The following RTTN variants were observed in gnomAD, a reference collection of about 807,000 sequenced individuals.
RTTN encodes the protein rotatin.
Under a neutral mutation model 269.2 loss-of-function variants are expected in RTTN, and 182 were observed. The observed-to-expected ratio is 0.68, with a 90% confidence interval of 0.60 to 0.76. The LOEUF (loss-of-function observed/expected upper bound fraction) is 0.76, where lower values mean the gene tolerates loss of function less well. RTTN is among the 30% of genes least tolerant of loss of function. The probability of loss-of-function intolerance (pLI) is 0.00; values close to 1 mark genes in which losing one functional copy is unlikely to be tolerated. For synonymous variants in RTTN, 1,006 were observed against 963.5 expected, an observed-to-expected ratio of 1.04 and a Z score of -0.82; for missense variants, 2,545 against 2,608.6, an observed-to-expected ratio of 0.98 and a Z score of 0.53.
Position 70,139,611 on chromosome 18 carries a change from C to A in RTTN, c.2776G>T (p.Val926Leu), listed in dbSNP as rs762457826. 3 of 1,602,526 alleles carry A rather than the reference C, an allele frequency of 1.9e-6. No homozygotes were observed. In the African/African-American group the frequency reaches 4.0e-5, roughly 21 times the overall value. The change falls in exon 21 of 49, where the codon GTG becomes TTG. Residue 926 changes from valine (V) to leucine (L), a missense_variant. Val to Leu is a conservative substitution (Grantham distance 32). Transcript: ENST00000640769. ...SLSQQSSLLTVLFRVSLIFHE... is the reference protein window; with the variant it reads ...SLSQQSSLLTLLFRVSLIFHE... ...TTCTTTTATTTACCTCTGAATAACA[C>A]GGTCAAAAGAGAAGACTGTTGCGAG...
chr18:70,152,218 G>C (rs2060557258), intron 14 of RTTN, among the ~76,000 whole-genome samples: 1 of 11,760 alleles, frequency 8.5e-5, no homozygotes, highest in African/African-American at 9.2e-5. Context: ...TCTCTAAGCT[G>C]ATGACTGAAA....
intron 30 of RTTN, among the ~76,000 whole-genome samples, chr18:70,090,477 G>C (rs1466843422): frequency 6.6e-6 from 1 of 152,156 alleles, no homozygotes; most frequent in Non-Finnish European, 1.5e-5. Context: ...ATTGATGTGA[G>C]ATGATACAAT....
Position 70,169,071 on chromosome 18 carries a change from G to C in RTTN, c.1477-4C>G. The stretch of plus-strand genomic sequence containing the variant: ...GCTCTGATAAAAACTCGCTTGCCTT[G>C]GTGAATTAAAAAAACAAAAAAATTA... On this transcript the variant is annotated splice_region_variant and splice_polypyrimidine_tract_variant and intron_variant, in intron 11 of 48. Coordinates refer to ENST00000640769, the MANE Select transcript of RTTN (RefSeq NM_173630.4). The C allele has an allele frequency of 6.4e-7, 1 of 1,560,270 alleles. No homozygotes were observed. Among genetic ancestry groups the C allele is most frequent in the Non-Finnish European group, 8.6e-7 (1 of 1,161,274 alleles).
intron 44 of RTTN, among the ~76,000 whole-genome samples, chr18:70,023,975 G>T (rs1209858122): frequency 6.6e-6 from 1 of 152,048 alleles, no homozygotes; most frequent in African/African-American, 2.4e-5. Context: ...TAGAGACAGG[G>T]TTTCCTCATG....
chr18:70,036,784 T>C (rs149102037), intron 40 of RTTN, among the ~76,000 whole-genome samples: 345 of 152,242 alleles, frequency 2.3e-3, no homozygotes, highest in Middle Eastern at 0.017. Context: ...CACCAAATTT[T>C]AACAACTATA....
At chr18:70,168,689 C>T (rs542430843) in intron 12 of RTTN, among the ~76,000 whole-genome samples, 166 bp downstream of exon 12, 2 of 152,130 alleles carry the variant, frequency 1.3e-5, no homozygotes, top group Non-Finnish European at 2.9e-5. Context: ...AAATCATATC[C>T]TTACTTTAAC....
intron 16 of RTTN, among the ~76,000 whole-genome samples, 194 bp from the exon 17 acceptor site, chr18:70,149,231 CA>C (rs1465886090): frequency 6.6e-6 from 1 of 152,088 alleles, no homozygotes; most frequent in African/African-American, 2.4e-5. Context: ...AGAAAATACA[CA>C]TACATACAGG....
chr18:70,119,863 A>C (rs2059691575), intron 26 of RTTN, among the ~76,000 whole-genome samples: 1 of 152,226 alleles, frequency 6.6e-6, no homozygotes, highest in South Asian at 2.1e-4. Context: ...ATGTTTATTG[A>C]GAGCTCACTA....
Position 70,155,689 on chromosome 18 carries a change from C to T in RTTN, c.1930-4956G>A, listed in dbSNP as rs545397194. Among the ~76,000 whole-genome samples, 295 of 152,340 alleles carry T rather than the reference C, an allele frequency of 1.9e-3. 2 individuals are homozygous for T. The highest frequency in any genetic ancestry group is 3.6e-3 in the Non-Finnish European group (243 of 68,038). On this transcript the variant is annotated intron_variant, in intron 14 of 48. Coordinates refer to ENST00000640769, the MANE Select transcript of RTTN (RefSeq NM_173630.4). ...CCCAGAGGGTCTGGCGCAGTAATGG[C>T]TGCAATGGGGCATGGCCATAGGTGC...
intron 44 of RTTN, 37 bp from the exon 45 acceptor site, chr18:70,020,854 T>G: frequency 6.4e-7 from 1 of 1,553,136 alleles, no homozygotes; most frequent in Non-Finnish European, 8.8e-7. Context: ...GTCTTCTCAG[T>G]TTCCCTGTTT....
intron 43 of RTTN, among the ~76,000 whole-genome samples, chr18:70,025,662 G>A (rs1448619078): frequency 5.3e-5 from 8 of 152,160 alleles, no homozygotes; most frequent in Admixed American, 5.2e-4. Flanking sequence ...TGTGGCACAC[G>A]GCCCTCCATC....
chr18:70,165,921 G>T, intron 14 of RTTN, 141 bp downstream of exon 14: 1 of 679,850 alleles, frequency 1.5e-6, no homozygotes, highest in Non-Finnish European at 2.2e-6. Context: ...TTCCAGAATT[G>T]ACTAGTAATT....
intron 1 of RTTN, 97 bp downstream of exon 1, chr18:70,205,531 T>A: frequency 6.6e-7 from 1 of 1,522,160 alleles, no homozygotes; most frequent in Non-Finnish European, 9.1e-7. Context: ...GAGGGAGCGG[T>A]CGCGGAGCGG....
intron 9 of RTTN, among the ~76,000 whole-genome samples, chr18:70,189,290 T>C (rs759157339): frequency 1.2e-4 from 18 of 152,198 alleles, no homozygotes; most frequent in Non-Finnish European, 1.9e-4. Flanking sequence ...GAGTACACAG[T>C]TTTCCTCAGG....
intron 37 of RTTN, among the ~76,000 whole-genome samples, chr18:70,057,191 T>C (rs2057842963): frequency 6.6e-6 from 1 of 152,240 alleles, no homozygotes; most frequent in South Asian, 2.1e-4. Flanking sequence ...CTTCTTAAAA[T>C]TTGATTTTGA....
At chr18:70,055,056 TAATTATA>T (rs1307734722) in intron 37 of RTTN, among the ~76,000 whole-genome samples, 1 of 152,200 alleles carries the variant, frequency 6.6e-6, no homozygotes, top group Non-Finnish European at 1.5e-5. Context: ...TTACTATTAT[TAATTATA>T]AAAGAAAAAA....
At position 70,131,113 on chromosome 18, in the gene RTTN, T is replaced by C. The variant is rs902298200; in HGVS notation, c.2955-2567A>G. The C allele has an allele frequency of 6.4e-5, 9 of 141,732 alleles. No homozygotes were observed. The Admixed American group carries it at 6.7e-4, about 11-fold the overall frequency. The allele number at this position is 141,732 out of a possible 1,614,324, so 8.8% of individuals were successfully genotyped here. Reference sequence around the variant, plus strand: ...CAACCTAGAATTCTATACCTAGTGATAACATTTTTTAAAACAGAAAGAATT... The same window carrying C: ...CAACCTAGAATTCTATACCTAGTGACAACATTTTTTAAAACAGAAAGAATT... On this transcript the variant is annotated intron_variant, in intron 23 of 48. Transcript: ENST00000640769.
At chr18:70,101,037 C>G (rs1333730292) in intron 28 of RTTN, among the ~76,000 whole-genome samples, 1 of 152,088 alleles carries the variant, frequency 6.6e-6, no homozygotes, top group African/African-American at 2.4e-5. Context: ...CTAAAATTCT[C>G]TTTTTTTGTT....
Position 70,057,675 on chromosome 18 carries a change from C to A in RTTN, c.5031+67G>T. On this transcript the variant is annotated intron_variant, in intron 37 of 48. Coordinates refer to ENST00000640769, the MANE Select transcript of RTTN (RefSeq NM_173630.4). ...CATCCTTTTCCTATGACTAGTATCT[C>A]CTCAGCAAGATTTTTATTTTTGACA... 2.6e-6 allele frequency: 3 copies of A among 1,171,574 alleles called. No homozygotes were observed. In the South Asian group the frequency reaches 3.8e-5, roughly 15 times the overall value. 72.6% of individuals were successfully genotyped at this position (1,171,574 alleles called of 1,614,324 possible).
Sources: allele counts gnomAD v4.1 joint callset (sites outside exome capture counted in the v4.1 genomes callset), GRCh38; gene constraint gnomAD v4.1.1; transcripts MANE v1.5; gene names NCBI Gene and HGNC (gene_info 2026-07-23, HGNC 2026-07-21).